The following FIBCD1 variants were observed in gnomAD, a reference collection of about 807,000 sequenced individuals.
The protein encoded by FIBCD1 is fibrinogen C domain-containing protein 1.
A neutral mutation model predicts 45.1 loss-of-function variants in FIBCD1; 47 were observed. The ratio of observed to expected loss-of-function variants is 1.04; its 90% CI spans 0.82 to 1.33. FIBCD1 has a LOEUF of 1.33. FIBCD1 is among the 40% of genes most tolerant of loss of function. The pLI, the probability that FIBCD1 is intolerant of heterozygous loss-of-function variation, is 0.00. For synonymous variants in FIBCD1, 313 were observed against 308.1 expected (o/e 1.02, Z -0.17); for missense variants, 653 against 682.2 (o/e 0.96, Z 0.48).
intron 1 of FIBCD1, among the ~76,000 whole-genome samples, chr9:130,932,654 C>A (rs933892321): frequency 6.6e-6 from 1 of 152,214 alleles, no homozygotes; most frequent in Non-Finnish European, 1.5e-5. Flanking sequence ...CTACTCCACT[C>A]CCCCCAGCTT....
At chr9:130,917,718 G>A (rs970980089) in intron 4 of FIBCD1, among the ~76,000 whole-genome samples, 4 of 152,188 alleles carry the variant, frequency 2.6e-5, no homozygotes, top group Non-Finnish European at 2.9e-5. Flanking sequence ...CCTAGCACCC[G>A]GCCAGTGCCG....
Position 130,924,339 on chromosome 9 carries a change from G to C in FIBCD1, c.610C>G (p.Leu204Val). Residue 204 changes from leucine to valine, a missense_variant, in exon 3 of 7, where the codon CTG (leucine) becomes GTG (valine). Transcript: ENST00000372338. ...CCCCGGTCCCTCTGCAGGGCATCCAGGATGTCGCTGACGGAGTTCACCAGG... is the reference window on the plus strand; with the variant it reads ...CCCCGGTCCCTCTGCAGGGCATCCACGATGTCGCTGACGGAGTTCACCAGG... ...AHLVNSVSDILDALQRDRGLG... is the reference protein window; with the variant it reads ...AHLVNSVSDIVDALQRDRGLG... 2.5e-6 allele frequency: 4 copies of C among 1,608,830 alleles called. No homozygotes were observed. The highest frequency in any genetic ancestry group is 2.7e-5 in the African/African-American group (2 of 75,052).
At chr9:130,915,567 G>A (rs890277137) in intron 4 of FIBCD1, among the ~76,000 whole-genome samples, 2 of 152,196 alleles carry the variant, frequency 1.3e-5, no homozygotes, top group African/African-American at 4.8e-5. Flanking sequence ...GCCGGGCATA[G>A]TGGCAGGTGC....
At chr9:130,921,689 C>T (rs1383587632) in intron 4 of FIBCD1, among the ~76,000 whole-genome samples, 1 of 152,272 alleles carries the variant, frequency 6.6e-6, no homozygotes, top group Non-Finnish European at 1.5e-5. Context: ...TTCATTAAGC[C>T]TGTCCTGACC....
At chr9:130,939,320 G>C (rs1832577614), upstream of FIBCD1, 1 of 152,132 alleles carries the variant, frequency 6.6e-6, no homozygotes, top group Non-Finnish European at 1.5e-5. Flanking sequence ...GGCTCAGGAC[G>C]CAGGGCTCGC....
At chr9:130,923,648 G>A in intron 4 of FIBCD1, 96 bp downstream of exon 4, 2 of 1,511,610 alleles carry the variant, frequency 1.3e-6, no homozygotes, top group Non-Finnish European at 1.8e-6. Context: ...ATGGTGGAGG[G>A]CTGGGTAGGA....
In FIBCD1 at chr9:130,924,410, G is replaced by A. The variant is rs527825208; in HGVS notation, c.553-14C>T. On this transcript the variant is annotated splice_polypyrimidine_tract_variant and intron_variant, in intron 2 of 6. Coordinates refer to ENST00000372338, the MANE Select transcript of FIBCD1 (RefSeq NM_032843.5). The stretch of plus-strand genomic sequence containing the variant: ...CTCAGAGAGAAGCTGCGGAGCACAG[G>A]GGGTGAGCCGAGGGGGCAGGGGCTC... 7 of 1,600,564 alleles carry A rather than the reference G, an allele frequency of 4.4e-6. No individual in the cohort carries two copies. In the Admixed American group the frequency reaches 5.1e-5, roughly 12 times the overall value.
chr9:130,940,535 G>T (rs531563439), upstream of FIBCD1, among the ~76,000 whole-genome samples: 99 of 152,362 alleles, frequency 6.5e-4, no homozygotes, highest in African/African-American at 2.3e-3. Flanking sequence ...CTCAGACTTG[G>T]GAAGAAGGAT....
chr9:130,929,362 G>C (rs907389333), intron 2 of FIBCD1, among the ~76,000 whole-genome samples: 5 of 152,176 alleles, frequency 3.3e-5, no homozygotes, highest in Non-Finnish European at 7.4e-5. Flanking sequence ...TTGAATCCTG[G>C]CTCCCAGTAG....
chr9:130,921,182 A>T (rs1832254505), intron 4 of FIBCD1, among the ~76,000 whole-genome samples: 1 of 152,166 alleles, frequency 6.6e-6, no homozygotes. Flanking sequence ...GTCCAGCCCC[A>T]GGGTCTCGGG....
chr9:130,927,036 G>T (rs1342403703), intron 2 of FIBCD1, among the ~76,000 whole-genome samples: 1 of 151,990 alleles, frequency 6.6e-6, no homozygotes, highest in African/African-American at 2.4e-5. Context: ...CCAGGAGTTT[G>T]AGACCAGCCT....
In FIBCD1 at chr9:130,903,996, G is replaced by C. The variant is rs762381174; in HGVS notation, c.*68C>G. The C allele has an allele frequency of 5.7e-6, 9 of 1,568,248 alleles. No individual in the cohort carries two copies. The highest frequency in any genetic ancestry group is 7.8e-6 in the Non-Finnish European group (9 of 1,155,436). ...GCACAGGTGGGTGGAGAACATTCACGAAAGAGTGAGGTGGGGTCGGGGATG... is the reference window on the plus strand; with the variant it reads ...GCACAGGTGGGTGGAGAACATTCACCAAAGAGTGAGGTGGGGTCGGGGATG... On this transcript the variant is annotated 3_prime_UTR_variant, in exon 7 of 7. Coordinates refer to ENST00000372338, the MANE Select transcript of FIBCD1 (RefSeq NM_032843.5).
intron 4 of FIBCD1, among the ~76,000 whole-genome samples, chr9:130,920,889 G>A (rs572869021): frequency 1.1e-4 from 16 of 152,318 alleles, no homozygotes; most frequent in African/African-American, 3.4e-4. Context: ...CTGTCTCGTC[G>A]CTGCTGACCT....
chr9:130,926,886 C>T lies in FIBCD1; in HGVS notation c.553-2490G>A, dbSNP rs545541462. Among the ~76,000 whole-genome samples, 59 of 152,170 alleles carry T rather than the reference C, an allele frequency of 3.9e-4. No homozygotes were observed. Among genetic ancestry groups the T allele is most frequent in the Non-Finnish European group, 6.8e-4 (46 of 67,996 alleles). ...GATAACAAATGTACTAACCTCCTGG[C>T]GTTATGGGGCTGCAAAGTGCCTATT... On this transcript the variant is annotated intron_variant, in intron 2 of 6. Coordinates refer to ENST00000372338, the MANE Select transcript of FIBCD1 (RefSeq NM_032843.5). The surrounding 1 kb of genome is among the most constrained non-coding windows in gnomAD (Gnocchi z 4.1).
chr9:130,928,181 G>C (rs1461934471), intron 2 of FIBCD1, among the ~76,000 whole-genome samples: 2 of 152,224 alleles, frequency 1.3e-5, no homozygotes, highest in African/African-American at 4.8e-5. Context: ...CATTTTTGGG[G>C]AAGTAAATAT....
intron 2 of FIBCD1, among the ~76,000 whole-genome samples, chr9:130,925,139 G>A (rs1832337189): frequency 6.6e-6 from 1 of 152,010 alleles, no homozygotes; most frequent in South Asian, 2.1e-4. Context: ...CACTCCCCAT[G>A]CAAACATCAC....
chr9:130,904,035 C>G lies in FIBCD1; in HGVS notation c.*29G>C, dbSNP rs748662366. On this transcript the variant is annotated 3_prime_UTR_variant, in exon 7 of 7. Transcript: ENST00000372338. ...GGGTCGGGGATGGGGCGACAGGGAC[C>G]AGCAGGGCCAAGGACAAGGTGCACC... The G allele has an allele frequency of 6.2e-7, 1 of 1,608,766 alleles. No homozygotes were observed. Among genetic ancestry groups the G allele is most frequent in the Non-Finnish European group, 8.5e-7 (1 of 1,178,276 alleles).
chr9:130,918,219 C>T (rs976840481), intron 4 of FIBCD1, among the ~76,000 whole-genome samples: 2 of 152,252 alleles, frequency 1.3e-5, no homozygotes, highest in African/African-American at 4.8e-5. Context: ...TTCAACAGAG[C>T]TTGCTGGGAA....
Position 130,924,297 on chromosome 9 carries a change from T to G in FIBCD1, c.652A>C (p.Asn218His). ...QRDRGLGRPR[N>H]KADLQRAPAR... is the part of the protein sequence containing the mutation. The stretch of plus-strand genomic sequence containing the variant: ...GGCGCTCTCTGAAGGTCGGCCTTGT[T>G]GCGGGGCCGGCCCAGCCCCCGGTCC... Residue 218 changes from asparagine (N) to histidine (H), a missense_variant, in exon 3 of 7, where the codon AAC becomes CAC. Coordinates refer to ENST00000372338, the MANE Select transcript of FIBCD1 (RefSeq NM_032843.5). 6.2e-7 allele frequency: 1 copy of G among 1,603,902 alleles called. No individual in the cohort carries two copies. The highest frequency in any genetic ancestry group is 8.5e-7 in the Non-Finnish European group (1 of 1,176,884).
Sources: gnomAD v4.1 joint callset for allele counts (sites outside exome capture counted in the v4.1 genomes callset) on GRCh38, gnomAD v4.1.1 for gene constraint, Gnocchi (gnomAD v3.1) non-coding constraint, MANE v1.5 for transcripts, NCBI Gene and HGNC (gene_info 2026-07-23, HGNC 2026-07-21) for gene names.